The following ZNF280D variants were observed in gnomAD, a reference collection of about 807,000 sequenced individuals.
ZNF280D encodes suppressor of hairy wing homolog 4.
A neutral mutation model predicts 94.7 loss-of-function variants in ZNF280D; 39 were observed. The observed-to-expected ratio is 0.41, with a 90% CI of 0.32 to 0.54. The LOEUF (loss-of-function observed/expected upper bound fraction) is 0.54, where lower values mean the gene tolerates loss of function less well. Ranked by LOEUF, ZNF280D falls within the 20% of genes least tolerant of loss-of-function variation. ZNF280D has a pLI of 0.22. For missense variants in ZNF280D, 1,090 were observed against 1,149.3 expected (o/e 0.95, Z 0.75); for synonymous variants, 398 against 377.6 (o/e 1.05, Z -0.63).
intron 1 of ZNF280D, among the ~76,000 whole-genome samples, chr15:56,709,597 T>C (rs2057636225): frequency 6.6e-6 from 1 of 152,088 alleles, no homozygotes. Context: ...TAGCAAAGAC[T>C]TGGAACCAAC....
chr15:56,730,029 T>G (rs1247449563), intron 1 of ZNF280D: 4 of 152,216 alleles, frequency 2.6e-5, no homozygotes, highest in African/African-American at 9.6e-5. Context: ...ACATTATGCT[T>G]TATTTTTACT....
intron 16 of ZNF280D, among the ~76,000 whole-genome samples, chr15:56,659,803 C>T (rs2053809185): frequency 6.6e-6 from 1 of 151,612 alleles, no homozygotes; most frequent in South Asian, 2.1e-4. Flanking sequence ...CACACACACG[C>T]TAAAGTTTAA....
chr15:56,707,420 A>T, intron 1 of ZNF280D, 114 bp from the exon 2 acceptor site: 1 of 782,842 alleles, frequency 1.3e-6, no homozygotes, highest in Non-Finnish European at 1.8e-6. Context: ...TGATATACAC[A>T]TATAGTTCAT....
chr15:56,656,765 T>C (rs73423653), intron 17 of ZNF280D, among the ~76,000 whole-genome samples: 4,822 of 152,060 alleles, frequency 0.032, 252 homozygotes, highest in African/African-American at 0.11. Context: ...ACACACAATA[T>C]AGTGAGAGAA....
chr15:56,700,499 A>G (rs1299241889), intron 6 of ZNF280D: 19 of 1,002,058 alleles, frequency 1.9e-5, no homozygotes, highest in Non-Finnish European at 2.3e-5. Context: ...AGTTTTTTGT[A>G]ATAGGAAAAA....
intron 19 of ZNF280D, 135 bp downstream of exon 19, chr15:56,654,063 C>A: frequency 6.7e-7 from 1 of 1,499,414 alleles, no homozygotes; most frequent in Non-Finnish European, 8.8e-7. Flanking sequence ...CCTATTTCAA[C>A]AAGCAGCTTT....
chr15:56,693,181 T>C lies in ZNF280D; in HGVS notation c.416A>G (p.Asn139Ser), dbSNP rs774550632. The C allele has an allele frequency of 7.5e-6, 12 of 1,598,582 alleles. No individual in the cohort carries two copies. In the South Asian group the frequency reaches 1.0e-4, roughly 14 times the overall value. Reference protein sequence around the residue: ...YITNSSRVVSNKSSELLFDLT... With the variant: ...YITNSSRVVSSKSSELLFDLT... ...GTCAAACAGTAACTCTGATGACTTATTAGACACAACTCGTGATGAGTTTGT... is the reference window on the plus strand; with the variant it reads ...GTCAAACAGTAACTCTGATGACTTACTAGACACAACTCGTGATGAGTTTGT... The change falls in exon 7 of 22, where the codon AAT becomes AGT. Residue 139 changes from asparagine (N) to serine (S), a missense_variant. Transcript: ENST00000267807.
At chr15:56,692,517 T>C (rs925212840) in intron 7 of ZNF280D, among the ~76,000 whole-genome samples, 9 of 152,102 alleles carry the variant, frequency 5.9e-5, no homozygotes, top group Non-Finnish European at 1.2e-4. Context: ...TGAAGAACTT[T>C]GTTACAGTAT....
intron 9 of ZNF280D, among the ~76,000 whole-genome samples, chr15:56,684,828 AT>A (rs2055887126): frequency 6.6e-6 from 1 of 152,194 alleles, no homozygotes; most frequent in East Asian, 1.9e-4. Flanking sequence ...TTAAAATACA[AT>A]TCAAATAAAC....
intron 20 of ZNF280D, chr15:56,635,814 G>A (rs1174253621): frequency 6.6e-6 from 1 of 152,292 alleles, no homozygotes; most frequent in East Asian, 1.9e-4. Context: ...GTAAGCCATA[G>A]GCCAACCTAA....
intron 10 of ZNF280D, among the ~76,000 whole-genome samples, chr15:56,679,398 C>T (rs2055468284): frequency 6.6e-6 from 1 of 152,132 alleles, no homozygotes; most frequent in Non-Finnish European, 1.5e-5. Context: ...AGTTTTGATG[C>T]CTACAATTAC....
chr15:56,672,215 T>C (rs1282702608), intron 13 of ZNF280D, among the ~76,000 whole-genome samples: 2 of 152,156 alleles, frequency 1.3e-5, no homozygotes, highest in Non-Finnish European at 2.9e-5. Context: ...TCCAGTACTA[T>C]GTTGAATAGG....
chr15:56,725,226 A>G (rs1172179744), intron 1 of ZNF280D, among the ~76,000 whole-genome samples: 1 of 152,094 alleles, frequency 6.6e-6, no homozygotes, highest in Non-Finnish European at 1.5e-5. Flanking sequence ...ATGCGTATCA[A>G]CTCAAAGGCA....
Position 56,689,458 on chromosome 15 carries a change from C to T in ZNF280D, c.512G>A (p.Ser171Asn), listed in dbSNP as rs781686960. The T allele has an allele frequency of 1.3e-6, 2 of 1,554,034 alleles. No individual in the cohort carries two copies. Among genetic ancestry groups the T allele is most frequent in the Non-Finnish European group, 1.7e-6 (2 of 1,149,080 alleles). The change falls in exon 8 of 22, where the codon AGT (serine) becomes AAT (asparagine). Residue 171 changes from serine to asparagine, a missense_variant. This residue lies in a region of ZNF280D where 386 missense variants were observed against 372.0 expected (regional missense o/e 1.04). Coordinates refer to ENST00000267807, the MANE Select transcript of ZNF280D (RefSeq NM_017661.4). ...AGAAGGACGTTTTGATAAAAATGAA[C>T]TTTCACTCATACCTACAATAATTTA... ...PTLSMAGMSE[S>N]SFLSKRPSTS...
chr15:56,639,408 A>T (rs2052516298), intron 20 of ZNF280D, among the ~76,000 whole-genome samples: 1 of 152,118 alleles, frequency 6.6e-6, no homozygotes, highest in Non-Finnish European at 1.5e-5. Context: ...ACAGAAATGA[A>T]ACAAGAAAAC....
At chr15:56,651,573 A>G (rs1336923936) in intron 19 of ZNF280D, among the ~76,000 whole-genome samples, 4 of 152,184 alleles carry the variant, frequency 2.6e-5, no homozygotes, top group Non-Finnish European at 5.9e-5. Context: ...TAAGACCACA[A>G]AGCAGTACAG....
chr15:56,709,515 A>T (rs184265790), intron 1 of ZNF280D, among the ~76,000 whole-genome samples: 186 of 152,260 alleles, frequency 1.2e-3, no homozygotes, highest in Admixed American at 3.1e-3. Context: ...CTGGGTATAT[A>T]CTCAAAGGAT....
Position 56,668,889 on chromosome 15 carries a change from A to G in ZNF280D, c.1479T>C (p.His493=). The stretch of plus-strand genomic sequence containing the variant: ...TAAATGTTCGATGGTGTTGAGTCTT[A>G]TGATCCATTTTCTCCTTGCATGTCA... The part of the protein sequence containing the change: ...QFLTCKEKMD[H]KTQHHRTFIK... The change falls in exon 14 of 22, where the codon CAT becomes CAC. Residue 493 remains histidine (H), a synonymous_variant. Transcript: ENST00000267807. 6.2e-7 allele frequency: 1 copy of G among 1,612,420 alleles called. No individual in the cohort carries two copies. The highest frequency in any genetic ancestry group is 8.5e-7 in the Non-Finnish European group (1 of 1,179,104).
chr15:56,685,591 A>G (rs2055948718), intron 9 of ZNF280D, among the ~76,000 whole-genome samples: 1 of 152,188 alleles, frequency 6.6e-6, no homozygotes, highest in Non-Finnish European at 1.5e-5. Flanking sequence ...ACTAAAATCA[A>G]GTAGCAAAAA....
Sources: allele counts gnomAD v4.1 joint callset (sites outside exome capture counted in the v4.1 genomes callset), GRCh38; gene constraint gnomAD v4.1.1; regional missense constraint gnomAD v4.1.1; transcripts MANE v1.5; gene names NCBI Gene and HGNC (gene_info 2026-07-23, HGNC 2026-07-21).